PXYLP1: variants seen among roughly 807,000 people sequenced by gnomAD.
The protein encoded by PXYLP1 is acid phosphatase-like 2.
A neutral mutation model predicts 37.9 loss-of-function variants in PXYLP1; 17 were observed. That is an observed-to-expected ratio of 0.45 (90% CI 0.31 to 0.67). PXYLP1 has a LOEUF of 0.67. PXYLP1 is among the 30% of genes least tolerant of loss of function. The probability of loss-of-function intolerance (pLI) is 0.07; values close to 1 mark genes in which losing one functional copy is unlikely to be tolerated. For missense variants in PXYLP1, 511 were observed against 612.0 expected (o/e 0.84, Z 1.74); for synonymous variants, 221 against 232.2 (o/e 0.95, Z 0.44).
chr3:141,262,811 T>A, intron 2 of PXYLP1: 2 of 1,009,022 alleles, frequency 2.0e-6, no homozygotes, highest in Non-Finnish European at 3.0e-6. Context: ...TTGCTTATTA[T>A]TATACTGTAA....
chr3:141,249,073 A>G (rs1183297278), intron 1 of PXYLP1, among the ~76,000 whole-genome samples: 1 of 151,880 alleles, frequency 6.6e-6, no homozygotes, highest in Admixed American at 6.5e-5. Context: ...GGCTCATTCT[A>G]TACTGACACT....
intron 4 of PXYLP1, among the ~76,000 whole-genome samples, chr3:141,286,242 A>G (rs1942072303): frequency 1.3e-5 from 2 of 152,232 alleles, no homozygotes; most frequent in African/African-American, 2.4e-5. Context: ...GTAATTGTAT[A>G]TTAGTGACTA....
rs188680984 is a variant in PXYLP1 at position 141,264,968 on chromosome 3, G to C, written c.79+4714G>C. On this transcript the variant is annotated intron_variant, in intron 2 of 5. Coordinates refer to ENST00000286353, the MANE Select transcript of PXYLP1 (RefSeq NM_001037172.3). ...TATGGAAGAGTAGTATGAGAGACTA[G>C]AGTACAGGAACCCAATCCAGCTTGG... Among the ~76,000 whole-genome samples the C allele has an allele frequency of 2.2e-4, 33 of 152,354 alleles. No individual in the cohort carries two copies. In the East Asian group the frequency reaches 6.2e-3, roughly 28 times the overall value.
intron 1 of PXYLP1, among the ~76,000 whole-genome samples, chr3:141,248,744 CACACGTATATATAT>C: frequency 6.0e-5 from 2 of 33,208 alleles, no homozygotes; most frequent in Non-Finnish European, 1.1e-4. Context: ...TGTATATATA[CACACGTATATATAT>C]ACACACACGT....
chr3:141,237,909 A>G (rs879657031), intron 1 of PXYLP1, among the ~76,000 whole-genome samples: 5 of 152,178 alleles, frequency 3.3e-5, no homozygotes, highest in East Asian at 1.9e-4. Flanking sequence ...TGTCTGACAC[A>G]TGCTGGTTGT....
intron 2 of PXYLP1, among the ~76,000 whole-genome samples, chr3:141,263,904 G>A (rs1405719417): frequency 6.6e-6 from 1 of 152,212 alleles, no homozygotes. Flanking sequence ...GCAGAGTTCC[G>A]TCATAGTGCA....
At position 141,292,048 on chromosome 3, in the gene PXYLP1, G is replaced by A. The variant is rs1942224050; in HGVS notation, c.506-220G>A. ...TGGTCCAAAGGCCGTGGTTCTCAAG[G>A]CCAGGGCCCCGCTCTGCTCATCCTT... On this transcript the variant is annotated intron_variant, in intron 5 of 5. Coordinates refer to ENST00000286353, the MANE Select transcript of PXYLP1 (RefSeq NM_001037172.3). The surrounding 1 kb of genome is among the most constrained non-coding windows in gnomAD (Gnocchi z 4.3). Among the ~76,000 whole-genome samples, 1 of 152,158 alleles carries A rather than the reference G, an allele frequency of 6.6e-6. No individual in the cohort carries two copies. The highest frequency in any genetic ancestry group is 6.5e-5 in the Admixed American group (1 of 15,270).
At chr3:141,242,952 T>C (rs886549171) in intron 1 of PXYLP1, among the ~76,000 whole-genome samples, 2 of 152,122 alleles carry the variant, frequency 1.3e-5, no homozygotes, top group Non-Finnish European at 2.9e-5. Flanking sequence ...TCAGTAAATA[T>C]CTGAATGAAT....
At chr3:141,252,105 C>T (rs1941153098) in intron 1 of PXYLP1, among the ~76,000 whole-genome samples, 1 of 152,130 alleles carries the variant, frequency 6.6e-6, no homozygotes. Context: ...AGCCAGCTGA[C>T]CCCAGGCCCA....
chr3:141,251,937 A>G (rs1941149192), intron 1 of PXYLP1, among the ~76,000 whole-genome samples: 2 of 152,176 alleles, frequency 1.3e-5, no homozygotes, highest in African/African-American at 2.4e-5. Context: ...ATACTTACTG[A>G]GAGCGTATCA....
chr3:141,261,048 G>C (rs1474576066), intron 2 of PXYLP1, among the ~76,000 whole-genome samples: 2 of 152,124 alleles, frequency 1.3e-5, no homozygotes, highest in South Asian at 4.1e-4. Flanking sequence ...TCTCCTCTAG[G>C]ACCCTTCCAG....
At chr3:141,286,123 T>G (rs188576466) in intron 4 of PXYLP1, among the ~76,000 whole-genome samples, 31 of 152,366 alleles carry the variant, frequency 2.0e-4, no homozygotes, top group Admixed American at 1.6e-3. Flanking sequence ...AGGCATGAAC[T>G]ACTCTATCTG....
intron 1 of PXYLP1, among the ~76,000 whole-genome samples, chr3:141,252,407 C>T (rs544445064): frequency 5.3e-5 from 8 of 152,282 alleles, no homozygotes; most frequent in African/African-American, 1.9e-4. Context: ...TCTGCTTCTG[C>T]TGAGGCCTCA....
chr3:141,249,045 C>T (rs1293734681), intron 1 of PXYLP1, among the ~76,000 whole-genome samples: 1 of 152,082 alleles, frequency 6.6e-6, no homozygotes, highest in Non-Finnish European at 1.5e-5. Flanking sequence ...CACACTTGGC[C>T]ACCTCCATGG....
intron 1 of PXYLP1, among the ~76,000 whole-genome samples, chr3:141,256,386 T>G (rs1329322216): frequency 1.3e-5 from 2 of 152,218 alleles, no homozygotes; most frequent in African/African-American, 4.8e-5. Flanking sequence ...TGCCTATCTT[T>G]GGAGCCTCGT....
chr3:141,287,190 C>CCGGT, intron 4 of PXYLP1, 124 bp from the exon 5 acceptor site: 1 of 954,818 alleles, frequency 1.0e-6, no homozygotes, highest in Non-Finnish European at 1.6e-6. Flanking sequence ...AGTGATTGAG[C>CCGGT]CGGTACCTGT....
chr3:141,274,580 T>G lies in PXYLP1; in HGVS notation c.80-3762T>G, dbSNP rs553016794. 906 of 980,874 alleles carry G rather than the reference T, an allele frequency of 9.2e-4. 1 individual carries two copies. The highest frequency in any genetic ancestry group is 1.3e-3 in the Non-Finnish European group (855 of 639,534). 60.8% of individuals were successfully genotyped at this position (980,874 alleles called of 1,614,324 possible). A position where few individuals can be genotyped will look rare whatever the true frequency, so the allele number is the denominator to read the frequency against. ...CTCCACATGAGGAGTCAATGAGATA[T>G]TTCATCAAAAGCATGGAGCACAGCG... On this transcript the variant is annotated intron_variant, in intron 2 of 5. Transcript: ENST00000286353.
At chr3:141,247,491 G>A (rs1460282648) in intron 1 of PXYLP1, among the ~76,000 whole-genome samples, 1 of 152,208 alleles carries the variant, frequency 6.6e-6, no homozygotes, top group Non-Finnish European at 1.5e-5. Context: ...CTTAAAGAGA[G>A]GAAGCATAGA....
chr3:141,239,830 G>A (rs1576573457), intron 1 of PXYLP1, among the ~76,000 whole-genome samples: 1 of 152,138 alleles, frequency 6.6e-6, no homozygotes, highest in African/African-American at 2.4e-5. Flanking sequence ...CTGCTCATGG[G>A]CCTCTCTTCC....
Sources: allele counts gnomAD v4.1 joint callset (sites outside exome capture counted in the v4.1 genomes callset), GRCh38; gene constraint gnomAD v4.1.1; non-coding constraint Gnocchi (gnomAD v3.1); transcripts MANE v1.5; gene names NCBI Gene and HGNC (gene_info 2026-07-23, HGNC 2026-07-21).